The following SPRED2 variants were observed in gnomAD, a reference collection of about 807,000 sequenced individuals.
SPRED2 encodes the protein sprouty related EVH1 domain containing 2.
Under a neutral mutation model 43.0 loss-of-function variants are expected in SPRED2, and 47 were observed. The ratio of observed to expected loss-of-function variants is 1.09; its 90% CI spans 0.87 to 1.40. The LOEUF is 1.40. Among genes scored for constraint, SPRED2 ranks in the 40% most tolerant of loss-of-function variants. The pLI is 0.00. For missense variants in SPRED2, 561 were observed against 586.4 expected, an observed-to-expected ratio of 0.96 and a Z score of 0.45; for synonymous variants, 225 against 225.7, an observed-to-expected ratio of 1.00 and a Z score of 0.03.
chr2:65,348,526 G>C (rs1208213166), intron 1 of SPRED2, among the ~76,000 whole-genome samples: 1 of 152,196 alleles, frequency 6.6e-6, no homozygotes, highest in Non-Finnish European at 1.5e-5. Flanking sequence ...TAGCAGGCTG[G>C]AAGCGGTGGC....
At chr2:65,427,386 A>C (rs1676581651) in intron 1 of SPRED2, among the ~76,000 whole-genome samples, 1 of 152,182 alleles carries the variant, frequency 6.6e-6, no homozygotes, top group Non-Finnish European at 1.5e-5. Flanking sequence ...AATTCTGCAC[A>C]GTCAACTCCA....
intron 4 of SPRED2, among the ~76,000 whole-genome samples, chr2:65,323,187 G>T (rs2104159441): frequency 6.6e-6 from 1 of 152,208 alleles, no homozygotes; most frequent in East Asian, 1.9e-4. Flanking sequence ...TAGAGACAGG[G>T]TTTCGCCATG....
At chr2:65,368,819 T>C (rs1675047900) in intron 1 of SPRED2, among the ~76,000 whole-genome samples, 1 of 152,204 alleles carries the variant, frequency 6.6e-6, no homozygotes, top group Non-Finnish European at 1.5e-5. Context: ...CAGTGGCTCA[T>C]GCCCGTAATC....
At chr2:65,322,113 A>G (rs1349073505) in intron 4 of SPRED2, among the ~76,000 whole-genome samples, 1 of 151,620 alleles carries the variant, frequency 6.6e-6, no homozygotes, top group Non-Finnish European at 1.5e-5. Flanking sequence ...CTGGTATATG[A>G]AAGTTACTGA....
rs1558643754 is a variant in SPRED2 at position 65,312,092 on chromosome 2, T to G, written c.*1409A>C. ...GTAACCACTCTTCACTTTTCTTCTT[T>G]CTTCAATAAGAAGATTTGGCTAATC... On this transcript the variant is annotated 3_prime_UTR_variant, in exon 6 of 6. Transcript: ENST00000356388. The G allele has an allele frequency of 5.1e-6, 5 of 985,322 alleles. No homozygotes were observed. Among genetic ancestry groups the G allele is most frequent in the Admixed American group, 6.1e-5 (1 of 16,270 alleles). The allele number at this position is 985,322 out of a possible 1,614,324, so 61.0% of individuals were successfully genotyped here. A position where few individuals can be genotyped will look rare whatever the true frequency, so the allele number is the denominator to read the frequency against.
chr2:65,385,268 G>A (rs1043204860), intron 1 of SPRED2, among the ~76,000 whole-genome samples: 1 of 152,082 alleles, frequency 6.6e-6, no homozygotes, highest in Non-Finnish European at 1.5e-5. Context: ...CACCACGCCC[G>A]GCCTGCTTTC....
intron 1 of SPRED2, among the ~76,000 whole-genome samples, chr2:65,362,582 G>T (rs1674848587): frequency 6.6e-6 from 1 of 152,058 alleles, no homozygotes; most frequent in South Asian, 2.1e-4. Context: ...CACCTGTTAT[G>T]AAGAAACCTT....
At chr2:65,421,555 T>C (rs1676423064) in intron 1 of SPRED2, among the ~76,000 whole-genome samples, 1 of 152,184 alleles carries the variant, frequency 6.6e-6, no homozygotes, top group South Asian at 2.1e-4. Context: ...AAGGCTACAA[T>C]ACAGGTCCAG....
intron 1 of SPRED2, among the ~76,000 whole-genome samples, chr2:65,381,425 C>T (rs1468591586): frequency 2.0e-5 from 3 of 152,230 alleles, no homozygotes; most frequent in East Asian, 1.9e-4. Context: ...CAATTTCTAG[C>T]TTGGTCAACT....
At position 65,312,115 on chromosome 2, in the gene SPRED2, A is replaced by C; in HGVS notation, c.*1386T>G. On this transcript the variant is annotated 3_prime_UTR_variant, in exon 6 of 6. Transcript: ENST00000356388. ...TTTCTTCAATAAGAAGATTTGGCTA[A>C]TCCTTGCAACGTATTAGAAAAATAC... 1.0e-6 allele frequency: 1 copy of C among 985,500 alleles called. No homozygotes were observed. The highest frequency in any genetic ancestry group is 1.2e-6 in the Non-Finnish European group (1 of 829,948). The allele number at this position is 985,500 out of a possible 1,614,324, so 61.0% of individuals were successfully genotyped here. A position where few individuals can be genotyped will look rare whatever the true frequency, so the allele number is the denominator to read the frequency against.
intron 1 of SPRED2, among the ~76,000 whole-genome samples, chr2:65,345,616 G>C (rs1345726380): frequency 6.6e-6 from 1 of 152,132 alleles, no homozygotes; most frequent in African/African-American, 2.4e-5. Context: ...AGTTGAAAAT[G>C]AATGACCAAG....
In SPRED2 at chr2:65,313,644, C is replaced by T. The variant is rs1673136992; in HGVS notation, c.1114G>A (p.Glu372Lys). Residue 372 changes from glutamate to lysine, a missense_variant, in exon 6 of 6, where the codon GAG becomes AAG. This residue lies in a region of SPRED2 where 65 missense variants were observed against 60.2 expected (regional missense o/e 1.08). Coordinates refer to ENST00000356388, the MANE Select transcript of SPRED2 (RefSeq NM_181784.3). ...TDPCSCDTSD[E>K]KFCLRWMALI... ...GCCATCCACCGGAGGCAAAACTTCT[C>T]GTCGCTAGTATCGCACGAGCAAGGG... 6.2e-6 allele frequency: 10 copies of T among 1,614,104 alleles called. No individual in the cohort carries two copies. Among genetic ancestry groups the T allele is most frequent in the South Asian group, 1.1e-5 (1 of 91,088 alleles).
intron 1 of SPRED2, among the ~76,000 whole-genome samples, chr2:65,409,638 A>AT (rs1428708758): frequency 7.1e-6 from 1 of 140,096 alleles, no homozygotes; most frequent in South Asian, 2.2e-4. Flanking sequence ...AGTAACAAGA[A>AT]TTTTGTTTCC....
chr2:65,422,289 T>C (rs1676448002), intron 1 of SPRED2, among the ~76,000 whole-genome samples: 1 of 152,086 alleles, frequency 6.6e-6, no homozygotes, highest in Non-Finnish European at 1.5e-5. Flanking sequence ...CATTTCTAGT[T>C]TGCAGCTCTA....
intron 4 of SPRED2, among the ~76,000 whole-genome samples, chr2:65,327,780 A>G (rs1007498619): frequency 1.1e-4 from 13 of 123,780 alleles, no homozygotes; most frequent in South Asian, 8.3e-4. Context: ...CTGGAGTGCA[A>G]TGGTGCGGTC....
intron 1 of SPRED2, among the ~76,000 whole-genome samples, chr2:65,358,768 C>G (rs924411307): frequency 2.0e-5 from 3 of 152,176 alleles, no homozygotes; most frequent in African/African-American, 7.2e-5. Flanking sequence ...ATCCAGCCCA[C>G]GAAAGCCCAA....
intron 2 of SPRED2, among the ~76,000 whole-genome samples, chr2:65,341,581 C>T (rs976527549): frequency 1.3e-5 from 2 of 152,130 alleles, no homozygotes; most frequent in Non-Finnish European, 2.9e-5. Flanking sequence ...ATGCCAAGGA[C>T]GTGGCTCACT....
At chr2:65,380,825 GTT>G (rs1024737209) in intron 1 of SPRED2, 5 of 144,596 alleles carry the variant, frequency 3.5e-5, no homozygotes, top group African/African-American at 1.3e-4. Context: ...GCTCTGAAGT[GTT>G]TGCCTTAAAA....
intron 1 of SPRED2, among the ~76,000 whole-genome samples, chr2:65,403,308 T>C (rs1367009181): frequency 6.6e-6 from 1 of 152,240 alleles, no homozygotes; most frequent in Non-Finnish European, 1.5e-5. Context: ...TCTCACTCTG[T>C]TGCCCAGGCT....
Sources: gnomAD v4.1 joint callset for allele counts (sites outside exome capture counted in the v4.1 genomes callset) on GRCh38, gnomAD v4.1.1 for gene constraint, gnomAD v4.1.1 regional missense constraint, MANE v1.5 for transcripts, NCBI Gene and HGNC (gene_info 2026-07-23, HGNC 2026-07-21) for gene names.